DLC1: variants seen among roughly 807,000 people sequenced by gnomAD.
DLC1 encodes rho GTPase-activating protein 7.
A neutral mutation model predicts 140.3 loss-of-function variants in DLC1; 54 were observed. The observed-to-expected ratio is 0.38, with a 90% CI of 0.31 to 0.48. The LOEUF is 0.48. Ranked by LOEUF, DLC1 falls within the 20% of genes least tolerant of loss-of-function variation. The pLI is 0.96. For synonymous variants in DLC1, 986 were observed against 728.1 expected (o/e 1.35, Z -5.70); for missense variants, 2,536 against 1,907.0 (o/e 1.33, Z -6.14).
chr8:13,443,676 GAAAA>G (rs1798647268), intron 2 of DLC1, among the ~76,000 whole-genome samples: 2 of 137,814 alleles, frequency 1.5e-5, no homozygotes, highest in South Asian at 4.7e-4. Flanking sequence ...AAAAAAAAAA[GAAAA>G]AGAAAAAAAC....
rs3065442 is a variant in DLC1 at position 13,253,431 on chromosome 8, A to ATGTGTGTGTG, written c.1348+51828_1348+51837dup. On this transcript the variant is annotated intron_variant, in intron 5 of 17. Transcript: ENST00000276297. ...GTTCTCCTCTAGAAAAATACATATT[A>ATGTGTGTGTG]TGTGTGTGTGTGTGTGTGTGATTGT... 3.9e-4 allele frequency among the ~76,000 whole-genome samples: 59 copies of ATGTGTGTGTG among 149,862 alleles called. No homozygotes were observed. The East Asian group carries it at 4.9e-3, about 12-fold the overall frequency.
intron 2 of DLC1, among the ~76,000 whole-genome samples, chr8:13,405,215 G>A (rs1003232252): frequency 1.3e-5 from 2 of 152,042 alleles, no homozygotes; most frequent in Admixed American, 1.3e-4. Context: ...GTGATGCTGA[G>A]GTCTGGGGTA....
rs934926011 is a variant in DLC1, at chr8:13,566,856, A to G, written c.-126+37681T>C. 3.5e-6 allele frequency: 4 copies of G among 1,158,020 alleles called. No homozygotes were observed. The African/African-American group carries it at 6.3e-5, about 18-fold the overall frequency. 71.7% of individuals were successfully genotyped at this position (1,158,020 alleles called of 1,614,324 possible). A position where few individuals can be genotyped will look rare whatever the true frequency, so the allele number is the denominator to read the frequency against. On this transcript the variant is annotated intron_variant, in intron 1 of 1. Transcript: ENST00000631382. ...GCCCGCGTTGCCAAGACAGCTGGGA[A>G]GGCGTCTCCCGGAAGACGACCTCCG...
At chr8:13,111,160 G>A (rs1820079117) in intron 6 of DLC1, among the ~76,000 whole-genome samples, 1 of 152,164 alleles carries the variant, frequency 6.6e-6, no homozygotes, top group African/African-American at 2.4e-5. Context: ...ACTGTCAGAA[G>A]AATGCTCCGT....
intron 2 of DLC1, among the ~76,000 whole-genome samples, chr8:13,470,987 T>A (rs796118670): frequency 3.2e-4 from 48 of 152,268 alleles, no homozygotes; most frequent in African/African-American, 1.2e-3. Context: ...AATCCTGACA[T>A]GCTACAACAT....
intron 1 of DLC1, among the ~76,000 whole-genome samples, chr8:13,564,215 T>C (rs1247045025): frequency 6.6e-6 from 1 of 152,112 alleles, no homozygotes; most frequent in East Asian, 1.9e-4. Flanking sequence ...AATAGAAAGA[T>C]GGAGATAATT....
intron 5 of DLC1, among the ~76,000 whole-genome samples, chr8:13,218,255 G>T (rs1388406597): frequency 3.3e-5 from 5 of 151,880 alleles, no homozygotes; most frequent in African/African-American, 4.8e-5. Context: ...TGGATTGAAG[G>T]CCTATGTTTA....
At chr8:13,305,226 T>A in intron 5 of DLC1, 43 bp downstream of exon 5, 1 of 1,604,910 alleles carries the variant, frequency 6.2e-7, no homozygotes. Context: ...AAATTTATTC[T>A]AAAATAGATT....
intron 2 of DLC1, among the ~76,000 whole-genome samples, chr8:13,443,625 T>A (rs1374535221): frequency 1.6e-5 from 2 of 125,658 alleles, no homozygotes; most frequent in African/African-American, 6.4e-5. Context: ...GCCACTGCAC[T>A]CCAGCCTAGG....
intron 5 of DLC1, among the ~76,000 whole-genome samples, chr8:13,269,901 C>T (rs889216764): frequency 2.7e-3 from 348 of 129,536 alleles, no homozygotes; most frequent in African/African-American, 9.2e-3. Context: ...ACTAAAAATA[C>T]AAAAAAAAAA....
chr8:13,353,695 T>G (rs769255119), intron 4 of DLC1, among the ~76,000 whole-genome samples: 8 of 151,834 alleles, frequency 5.3e-5, no homozygotes, highest in Non-Finnish European at 8.8e-5. Flanking sequence ...TGTCTCTAAT[T>G]AAAATATAAA....
At chr8:13,524,550 A>C (rs1802860575) in intron 1 of DLC1, among the ~76,000 whole-genome samples, 1 of 152,198 alleles carries the variant, frequency 6.6e-6, no homozygotes, top group Non-Finnish European at 1.5e-5. Flanking sequence ...AATTTGGCAC[A>C]TAGTCATCTG....
intron 5 of DLC1, among the ~76,000 whole-genome samples, chr8:13,224,857 T>C (rs1828716765): frequency 6.6e-6 from 1 of 152,208 alleles, no homozygotes; most frequent in Non-Finnish European, 1.5e-5. Flanking sequence ...GCTAGTCTTA[T>C]GCACCACGTT....
At chr8:13,217,842 A>C (rs555683305) in intron 5 of DLC1, among the ~76,000 whole-genome samples, 28 of 151,602 alleles carry the variant, frequency 1.8e-4, no homozygotes, top group African/African-American at 6.6e-4. Flanking sequence ...CATTTCAAAA[A>C]AAAAACAACA....
At chr8:13,533,156 C>T (rs1001025774) in intron 1 of DLC1, among the ~76,000 whole-genome samples, 1 of 151,646 alleles carries the variant, frequency 6.6e-6, no homozygotes, top group African/African-American at 2.4e-5. Flanking sequence ...AACAAACAGT[C>T]AAAAAAATTA....
intron 1 of DLC1, chr8:13,558,483 G>C (rs757750823): frequency 3.3e-5 from 5 of 152,086 alleles, no homozygotes; most frequent in Admixed American, 1.3e-4. Context: ...AAATTTATAA[G>C]TTTTGAGGAA....
intron 1 of DLC1, among the ~76,000 whole-genome samples, chr8:13,556,768 T>C (rs1293072048): frequency 6.6e-6 from 1 of 152,206 alleles, no homozygotes; most frequent in Non-Finnish European, 1.5e-5. Flanking sequence ...GAAAAACATA[T>C]GCTTATTTCT....
intron 5 of DLC1, among the ~76,000 whole-genome samples, chr8:13,132,364 T>C (rs375097067): frequency 2.2e-4 from 34 of 151,870 alleles, no homozygotes; most frequent in African/African-American, 8.0e-4. Context: ...TCCCAGCGCT[T>C]AAAGTATCTT....
chr8:13,492,667 A>G (rs11776155), intron 2 of DLC1, among the ~76,000 whole-genome samples: 3,496 of 152,258 alleles, frequency 0.023, 62 homozygotes, highest in Non-Finnish European at 0.034. Flanking sequence ...TAACTGGCTC[A>G]TGGTGGTGGA....
Sources: gnomAD v4.1 joint callset for allele counts (sites outside exome capture counted in the v4.1 genomes callset) on GRCh38, gnomAD v4.1.1 for gene constraint, MANE v1.5 for transcripts, NCBI Gene and HGNC (gene_info 2026-07-23, HGNC 2026-07-21) for gene names.